CACNA1G: variants seen among roughly 807,000 people sequenced by gnomAD.
The protein encoded by CACNA1G is calcium voltage-gated channel subunit alpha1 G, also known as voltage-dependent T-type calcium channel subunit alpha-1G.
In CACNA1G, 67 loss-of-function variants were observed where a neutral mutation model predicts 219.4. The ratio of observed to expected loss-of-function variants is 0.31; its 90% CI spans 0.25 to 0.37. The LOEUF (loss-of-function observed/expected upper bound fraction) is 0.37. CACNA1G is among the 10% of genes least tolerant of loss of function. The pLI, the probability that CACNA1G is intolerant of heterozygous loss-of-function variation, is 1.00. For missense variants in CACNA1G, 2,380 were observed against 3,231.4 expected (o/e 0.74, Z 6.39); for synonymous variants, 1,296 against 1,345.3 (o/e 0.96, Z 0.80).
chr17:50,595,481 C>T (rs947008858), intron 14 of CACNA1G, among the ~76,000 whole-genome samples: 4 of 152,232 alleles, frequency 2.6e-5, no homozygotes, highest in African/African-American at 9.7e-5. Context: ...CACCCCTTCA[C>T]CCCTTGCCCC....
chr17:50,582,908 G>A (rs1222240830), intron 9 of CACNA1G, among the ~76,000 whole-genome samples: 1 of 152,082 alleles, frequency 6.6e-6, no homozygotes, highest in South Asian at 2.1e-4. Context: ...ACACTCTGGG[G>A]CCATCCTGTC....
rs755517970 is a variant in CACNA1G, at chr17:50,591,735, A to G, written c.2640-4A>G. ...CCTAGCTTGTGGCCCCCTTGTGCCC[A>G]CAGCATCCTGGGCATGCATCTCTTC... On this transcript the variant is annotated splice_polypyrimidine_tract_variant and splice_region_variant and intron_variant, in intron 11 of 37. Transcript: ENST00000359106. 1.2e-6 allele frequency: 2 copies of G among 1,613,730 alleles called. No individual in the cohort carries two copies. Among genetic ancestry groups the G allele is most frequent in the Admixed American group, 1.7e-5 (1 of 60,024 alleles).
intron 1 of CACNA1G, among the ~76,000 whole-genome samples, chr17:50,567,617 A>G (rs1302002930): frequency 6.6e-6 from 1 of 151,900 alleles, no homozygotes; most frequent in Non-Finnish European, 1.5e-5. Context: ...GAGCTGCCAC[A>G]ATACCTCCCC....
In CACNA1G at chr17:50,617,511, G is replaced by A; in HGVS notation, c.5095G>A (p.Ala1699Thr). The change falls in exon 29 of 38, where the codon GCC becomes ACC. Residue 1699 changes from alanine to threonine, a missense_variant. By Grantham distance (58) the Ala-to-Thr change is moderately conservative. Transcript: ENST00000359106. The surrounding 1 kb of genome is among the most constrained non-coding windows in gnomAD (Gnocchi z 5.8). ...GITLEEIEVN[A>T]SLPINPTIIR... ...CACGCTGGAGGAAATCGAGGTCAAC[G>A]CCTCGCTGCCCATCAACCCCACCAT... 6.2e-7 allele frequency: 1 copy of A among 1,614,004 alleles called. No individual in the cohort carries two copies.
chr17:50,605,981 C>T lies in CACNA1G; in HGVS notation c.4380C>T (p.Tyr1460=). The change falls in exon 23 of 38, where the codon TAC becomes TAT. Residue 1460 remains tyrosine (Y), a synonymous_variant. Transcript: ENST00000359106. ...AATCGGACTGTGCCGAGGCCAGTTA[C>T]CGGTGGGTCCGGCACAAGTACAACT... The part of the protein sequence containing the change: ...TNKSDCAEAS[Y]RWVRHKYNFD... The T allele has an allele frequency of 6.2e-7, 1 of 1,613,898 alleles. No individual in the cohort carries two copies. Among genetic ancestry groups the T allele is most frequent in the Non-Finnish European group, 8.5e-7 (1 of 1,179,906 alleles).
chr17:50,624,558 G>A (rs1214831274), intron 37 of CACNA1G, 29 bp downstream of exon 37: 7 of 1,547,622 alleles, frequency 4.5e-6, no homozygotes, highest in African/African-American at 1.4e-5. Flanking sequence ...GCAGGCACAG[G>A]CCTGGGGGCT....
At position 50,576,083 on chromosome 17, in the gene CACNA1G, T is replaced by G; in HGVS notation, c.1681T>G (p.Cys561Gly). ...ESVHSFYHAD[C>G]HLEPVRCQAP... ...TGTGCACAGCTTCTACCATGCCGAC[T>G]GCCACTTAGAGCCAGTCCGCTGCCA... The change falls in exon 8 of 38, where the codon TGC (cysteine) becomes GGC (glycine). Residue 561 changes from cysteine to glycine, a missense_variant. Coordinates refer to ENST00000359106, the MANE Select transcript of CACNA1G (RefSeq NM_018896.5). 6.3e-7 allele frequency: 1 copy of G among 1,590,580 alleles called. No individual in the cohort carries two copies. Among genetic ancestry groups the G allele is most frequent in the Non-Finnish European group, 8.5e-7 (1 of 1,169,748 alleles).
chr17:50,621,671 T>C lies in CACNA1G; in HGVS notation c.5937T>C (p.Ala1979=). The part of the protein sequence containing the change: ...LGGSDPQIPL[A]EMEALSLTSE... ...CTCTCCCTGTCTAGATCCCTCTAGC[T>C]GAGATGGAGGCTCTGTCTCTGACGT... is the stretch of plus-strand genomic sequence containing the variant. The change falls in exon 35 of 38, where the codon GCT becomes GCC. Residue 1979 remains alanine, a synonymous_variant. Transcript: ENST00000359106. The surrounding 1 kb of genome is among the most constrained non-coding windows in gnomAD (Gnocchi z 4.6). The C allele has an allele frequency of 6.2e-7, 1 of 1,614,006 alleles. No homozygotes were observed. The highest frequency in any genetic ancestry group is 8.5e-7 in the Non-Finnish European group (1 of 1,179,880).
rs375396304 is a variant in CACNA1G at position 50,576,178 on chromosome 17, C to T, written c.1776C>T (p.Thr592=). The T allele has an allele frequency of 2.4e-5, 38 of 1,610,270 alleles. No homozygotes were observed. The highest frequency in any genetic ancestry group is 1.7e-4 in the African/African-American group (13 of 74,882). ...RTVGSGKVYP[T]VHTSPPPETL... ...TGGGCAGCGGGAAGGTGTATCCCAC[C>T]GTGCACACCAGCCCTCCACCGGAGA... Residue 592 remains threonine, a synonymous_variant, in exon 8 of 38, where the codon ACC becomes ACT. Transcript: ENST00000359106.
chr17:50,622,250 G>A (rs1212831205), intron 35 of CACNA1G, among the ~76,000 whole-genome samples: 1 of 131,242 alleles, frequency 7.6e-6, no homozygotes, highest in Non-Finnish European at 1.5e-5. Flanking sequence ...CTCTGCCACC[G>A]CTGCCATGCC....
At chr17:50,619,630 T>G in intron 33 of CACNA1G, 53 bp from the exon 34 acceptor site, 1 of 1,566,958 alleles carries the variant, frequency 6.4e-7, no homozygotes, top group South Asian at 1.2e-5. Context: ...ATCACTGCCC[T>G]CTGACCCCTG....
chr17:50,572,943 T>G (rs927681108), intron 6 of CACNA1G, 78 bp from the exon 7 acceptor site: 46 of 1,569,392 alleles, frequency 2.9e-5, no homozygotes, highest in Non-Finnish European at 3.8e-5. Flanking sequence ...AGGGTTGGGG[T>G]GGGGGTCAAG....
chr17:50,569,167 C>G lies in CACNA1G; in HGVS notation c.357C>G (p.Ala119=). 6.2e-7 allele frequency: 1 copy of G among 1,613,716 alleles called. No individual in the cohort carries two copies. The highest frequency in any genetic ancestry group is 8.5e-7 in the Non-Finnish European group (1 of 1,179,762). Residue 119 remains alanine, a splice_region_variant and synonymous_variant, in exon 3 of 38, where the codon GCC becomes GCG. Coordinates refer to ENST00000359106, the MANE Select transcript of CACNA1G (RefSeq NM_018896.5). ...GCCACCTCTTGTCCCCACATCAGGC[C>G]TTTGATGACTTCATCTTTGCCTTCT... is the stretch of plus-strand genomic sequence containing the variant. ...CDSQRCRILQ[A]FDDFIFAFFA...
In CACNA1G at chr17:50,561,435, G is replaced by T; in HGVS notation, c.-25G>T. 1 of 1,533,446 alleles carries T rather than the reference G, an allele frequency of 6.5e-7. No homozygotes were observed. The highest frequency in any genetic ancestry group is 1.2e-5 in the South Asian group (1 of 83,958). The allele number at this position is 1,533,446 out of a possible 1,614,324, so 95.0% of individuals were successfully genotyped here. On this transcript the variant is annotated 5_prime_UTR_variant, in exon 1 of 38. Coordinates refer to ENST00000359106, the MANE Select transcript of CACNA1G (RefSeq NM_018896.5). Reference sequence around the variant, plus strand: ...GGCGCCGCTTGCCCCTCTCCGGATCGCCCGGGGCCCCGGCTGGCCAGAGGA... The same window carrying T: ...GGCGCCGCTTGCCCCTCTCCGGATCTCCCGGGGCCCCGGCTGGCCAGAGGA...
chr17:50,576,764 T>C (rs989875253), intron 8 of CACNA1G, among the ~76,000 whole-genome samples: 1 of 152,208 alleles, frequency 6.6e-6, no homozygotes, highest in Admixed American at 6.5e-5. Context: ...TTGCTATTGG[T>C]GAGGGGCGGA....
In CACNA1G at chr17:50,572,542, C is replaced by T; in HGVS notation, c.747-12C>T. 1.3e-6 allele frequency: 2 copies of T among 1,520,078 alleles called. No homozygotes were observed. Among genetic ancestry groups the T allele is most frequent in the Middle Eastern group, 1.7e-4 (1 of 5,756 alleles). The allele number at this position is 1,520,078 out of a possible 1,614,324, so 94.2% of individuals were successfully genotyped here. On this transcript the variant is annotated splice_polypyrimidine_tract_variant and intron_variant, in intron 5 of 37. Coordinates refer to ENST00000359106, the MANE Select transcript of CACNA1G (RefSeq NM_018896.5). ...CCCCAGTCTCACCCCTGTTCCCCTT[C>T]CCATCCTGCAGCCCCCTGAGCGTGG... is the stretch of plus-strand genomic sequence containing the variant.
Position 50,599,498 on chromosome 17 carries a change from G to T in CACNA1G, c.3329G>T (p.Arg1110Leu). 1 of 1,602,066 alleles carries T rather than the reference G, an allele frequency of 6.2e-7. No homozygotes were observed. The highest frequency in any genetic ancestry group is 2.3e-5 in the East Asian group (1 of 44,342). The change falls in exon 17 of 38, where the codon CGG (arginine) becomes CTG (leucine). Residue 1110 changes from arginine to leucine, a missense_variant. This residue lies in a region of CACNA1G where 418 missense variants were observed against 434.3 expected (regional missense o/e 0.96). Coordinates refer to ENST00000359106, the MANE Select transcript of CACNA1G (RefSeq NM_018896.5). ...AGCTGGACCAGCAGGCGCTCCAGCC[G>T]GAACAGCCTCGGCCGTGCACCCAGC... ...ASSWTSRRSS[R>L]NSLGRAPSLK...
chr17:50,597,751 T>G (rs961478732), intron 16 of CACNA1G, among the ~76,000 whole-genome samples: 2 of 152,240 alleles, frequency 1.3e-5, no homozygotes, highest in Admixed American at 1.3e-4. Flanking sequence ...CCTGTCCAAC[T>G]GAAACTTCGT....
At chr17:50,590,865 C>T (rs1330275629) in intron 10 of CACNA1G, among the ~76,000 whole-genome samples, 1 of 152,160 alleles carries the variant, frequency 6.6e-6, no homozygotes. Context: ...TGCCCAGGCC[C>T]CTCTTTAGTC....
Sources: gnomAD v4.1 joint callset for allele counts (sites outside exome capture counted in the v4.1 genomes callset) on GRCh38, gnomAD v4.1.1 for gene constraint, gnomAD v4.1.1 regional missense constraint, Gnocchi (gnomAD v3.1) non-coding constraint, MANE v1.5 for transcripts, NCBI Gene and HGNC (gene_info 2026-07-23, HGNC 2026-07-21) for gene names.